NSL1: variants seen among roughly 807,000 people sequenced by gnomAD.
NSL1 encodes the protein NSL1 component of MIS12 kinetochore complex.
NSL1 carries 11 observed loss-of-function variants against 25.4 expected under a neutral mutation model. The ratio of observed to expected loss-of-function variants is 0.43; its 90% confidence interval spans 0.27 to 0.72. The LOEUF is 0.72. NSL1 is among the 30% of genes least tolerant of loss of function. The probability of loss-of-function intolerance (pLI) is 0.19; values close to 1 mark genes in which losing one functional copy is unlikely to be tolerated. For synonymous variants in NSL1, 118 were observed against 120.6 expected, an observed-to-expected ratio of 0.98 and a Z score of 0.14; for missense variants, 330 against 342.7, an observed-to-expected ratio of 0.96 and a Z score of 0.29.
intron 4 of NSL1, among the ~76,000 whole-genome samples, chr1:212,741,628 A>C (rs1458046549): frequency 6.6e-6 from 1 of 152,176 alleles, no homozygotes; most frequent in Non-Finnish European, 1.5e-5. Flanking sequence ...CCTCCCAAGA[A>C]GCTGAGCAGA....
At chr1:212,745,314 C>T (rs887066567) in intron 4 of NSL1, among the ~76,000 whole-genome samples, 4 of 151,576 alleles carry the variant, frequency 2.6e-5, no homozygotes, top group African/African-American at 9.7e-5. Flanking sequence ...ATAATACATG[C>T]ATTTACACAT....
In NSL1 at chr1:212,736,791, G is replaced by A. The variant is rs1313943293; in HGVS notation, c.*1617C>T. 14 of 984,938 alleles carry A rather than the reference G, an allele frequency of 1.4e-5. No homozygotes were observed. Among genetic ancestry groups the A allele is most frequent in the Non-Finnish European group, 1.7e-5 (14 of 829,608 alleles). The allele number at this position is 984,938 out of a possible 1,614,324, so 61.0% of individuals were successfully genotyped here. A position where few individuals can be genotyped will look rare whatever the true frequency, so the allele number is the denominator to read the frequency against. On this transcript the variant is annotated 3_prime_UTR_variant, in exon 6 of 6. Coordinates refer to ENST00000366977, the MANE Select transcript of NSL1 (RefSeq NM_015471.4). ...GGATTTTTGTCACATTTCCTTAATC[G>A]ATTCCTTGTTTCTCTGCTGAATACT...
At chr1:212,742,360 A>G (rs1658545380) in intron 4 of NSL1, among the ~76,000 whole-genome samples, 1 of 152,212 alleles carries the variant, frequency 6.6e-6, no homozygotes, top group African/African-American at 2.4e-5. Flanking sequence ...TACATAAGAA[A>G]TAATAGATTA....
chr1:212,734,622 T>C lies in NSL1; in HGVS notation c.*3786A>G, dbSNP rs1280988186. ...TCTGTGATTCCATACACAGGATGTATTCTCTTGTGCCTGGCTTTGCTTCTT... is the reference window on the plus strand; with the variant it reads ...TCTGTGATTCCATACACAGGATGTACTCTCTTGTGCCTGGCTTTGCTTCTT... On this transcript the variant is annotated 3_prime_UTR_variant, in exon 6 of 6. Transcript: ENST00000366977. 6.6e-6 allele frequency among the ~76,000 whole-genome samples: 1 copy of C among 152,354 alleles called. No homozygotes were observed. Among genetic ancestry groups the C allele is most frequent in the South Asian group, 2.1e-4 (1 of 4,828 alleles).
Position 212,751,437 on chromosome 1 carries a change from C to T in NSL1, c.500-11836G>A, listed in dbSNP as rs188327526. Among the ~76,000 whole-genome samples, 8 of 152,334 alleles carry T rather than the reference C, an allele frequency of 5.3e-5. No individual in the cohort carries two copies. The East Asian group carries it at 1.3e-3, about 26-fold the overall frequency. On this transcript the variant is annotated intron_variant, in intron 4 of 5. Transcript: ENST00000366977. ...TCCCTCCTAGAATCCAAAGCACACA[C>T]TCTTCTACATTCTATAACTTTCCAA...
At chr1:212,770,501 C>T (rs10127613) in intron 4 of NSL1, among the ~76,000 whole-genome samples, 3 of 151,702 alleles carry the variant, frequency 2.0e-5, no homozygotes, top group Non-Finnish European at 4.4e-5. Flanking sequence ...AACAAAAAAA[C>T]CAGAAAATCT....
At position 212,738,015 on chromosome 1, in the gene NSL1, GCTCT is replaced by G. The variant is rs888565369; in HGVS notation, c.*389_*392del. ...CATGTAAACGAAAAATCATTATACA[GCTCT>G]CTCTCTTTTTTTTTTTTTTCCTAGA... On this transcript the variant is annotated 3_prime_UTR_variant, in exon 6 of 6. Transcript: ENST00000366977. 21 of 968,542 alleles carry G rather than the reference GCTCT, an allele frequency of 2.2e-5. No homozygotes were observed. The highest frequency in any genetic ancestry group is 7.7e-5 in the African/African-American group (4 of 51,946). The allele number at this position is 968,542 out of a possible 1,614,324, so 60.0% of individuals were successfully genotyped here.
At chr1:212,766,418 G>A (rs764182553) in intron 4 of NSL1, 27 of 404,818 alleles carry the variant, frequency 6.7e-5, no homozygotes, top group Non-Finnish European at 9.6e-5. Context: ...TGATATGATC[G>A]TATACCTTAG....
rs192611240 is a variant in NSL1 at position 212,730,214 on chromosome 1, C to T, written c.*8194G>A. ...GCAGTGAGTTGAGATCGCTCCACTA[C>T]ACTCCAGCCTGGGTGACAGTCTCAA... On this transcript the variant is annotated 3_prime_UTR_variant, in exon 6 of 6. Coordinates refer to ENST00000366977, the MANE Select transcript of NSL1 (RefSeq NM_015471.4). 3 of 952,480 alleles carry T rather than the reference C, an allele frequency of 3.1e-6. No homozygotes were observed. Among genetic ancestry groups the T allele is most frequent in the African/African-American group, 4.0e-5 (2 of 50,072 alleles). 59.0% of individuals were successfully genotyped at this position (952,480 alleles called of 1,614,324 possible).
intron 4 of NSL1, among the ~76,000 whole-genome samples, chr1:212,774,422 AT>A (rs1276325405): frequency 6.6e-6 from 1 of 152,204 alleles, no homozygotes; most frequent in Non-Finnish European, 1.5e-5. Flanking sequence ...ATGAGAGAAA[AT>A]ATCTGCAAAT....
At chr1:212,767,176 ATC>A (rs981649010) in intron 4 of NSL1, among the ~76,000 whole-genome samples, 2 of 152,228 alleles carry the variant, frequency 1.3e-5, no homozygotes, top group African/African-American at 4.8e-5. Context: ...GCTTTACATT[ATC>A]TGACTTCAAA....
At chr1:212,739,660 G>T in intron 4 of NSL1, 59 bp from the exon 5 acceptor site, 2 of 1,525,946 alleles carry the variant, frequency 1.3e-6, no homozygotes, top group Non-Finnish European at 1.8e-6. Flanking sequence ...ATCATAAAAG[G>T]CATATAGATA....
chr1:212,777,510 C>T (rs1376804541), intron 4 of NSL1, among the ~76,000 whole-genome samples: 2 of 152,072 alleles, frequency 1.3e-5, no homozygotes, highest in Non-Finnish European at 2.9e-5. Context: ...GAGAGCTCTG[C>T]GTGTACACAA....
At chr1:212,758,585 A>G (rs1486855922) in intron 4 of NSL1, among the ~76,000 whole-genome samples, 1 of 152,250 alleles carries the variant, frequency 6.6e-6, no homozygotes, top group Non-Finnish European at 1.5e-5. Context: ...GTATTTAGGA[A>G]TAAGTTTCAC....
rs751768761 is a variant in NSL1, at chr1:212,787,544, GAA to G, written c.313+13_313+14del. On this transcript the variant is annotated intron_variant, in intron 2 of 5. Transcript: ENST00000366977. ...ATAACCCAGAAATTAATAATGGAAG[GAA>G]AAAGTCACATACCCATAAAACAATT... 9 of 1,565,266 alleles carry G rather than the reference GAA, an allele frequency of 5.7e-6. No individual in the cohort carries two copies. In the East Asian group the frequency reaches 1.6e-4, roughly 28 times the overall value.
chr1:212,742,350 T>C (rs1405518653), intron 4 of NSL1, among the ~76,000 whole-genome samples: 2 of 152,062 alleles, frequency 1.3e-5, no homozygotes, highest in Non-Finnish European at 2.9e-5. Flanking sequence ...AACTTAATGT[T>C]ACATAAGAAA....
Position 212,727,058 on chromosome 1 carries a change from C to G in NSL1, c.*11350G>C, listed in dbSNP as rs972178456. On this transcript the variant is annotated 3_prime_UTR_variant, in exon 6 of 6. Transcript: ENST00000366977. ...TGACTGCCGAGAGAGGGAGGGCGGG[C>G]TCTGGGTCACCCAGCTTCATCCTCT... 3.0e-5 allele frequency: 45 copies of G among 1,521,802 alleles called. No homozygotes were observed. The highest frequency in any genetic ancestry group is 3.9e-5 in the Non-Finnish European group (44 of 1,131,532). The allele number at this position is 1,521,802 out of a possible 1,614,324, so 94.3% of individuals were successfully genotyped here.
Position 212,737,268 on chromosome 1 carries a change from A to G in NSL1, c.*1140T>C, listed in dbSNP as rs577089769. On this transcript the variant is annotated 3_prime_UTR_variant, in exon 6 of 6. Coordinates refer to ENST00000366977, the MANE Select transcript of NSL1 (RefSeq NM_015471.4). ...CAAAATGCAACAAAGTGGCTTTATA[A>G]GTTTTCTTCACTGAGACAGACCTTC... 1.0e-6 allele frequency: 1 copy of G among 985,230 alleles called. No homozygotes were observed. Among genetic ancestry groups the G allele is most frequent in the African/African-American group, 1.7e-5 (1 of 57,246 alleles). 61.0% of individuals were successfully genotyped at this position (985,230 alleles called of 1,614,324 possible).
At position 212,731,785 on chromosome 1, in the gene NSL1, C is replaced by CA. The variant is rs1658025233; in HGVS notation, c.*6622dup. Reference sequence around the variant, plus strand: ...TGCCATGTCAAAGCTGGTGTTCAGACAGTCACACTGTTACAAACATATGGA... The same window carrying CA: ...TGCCATGTCAAAGCTGGTGTTCAGACAAGTCACACTGTTACAAACATATGGA... On this transcript the variant is annotated 3_prime_UTR_variant, in exon 6 of 6. Coordinates refer to ENST00000366977, the MANE Select transcript of NSL1 (RefSeq NM_015471.4). 1.0e-6 allele frequency: 1 copy of CA among 985,322 alleles called. No homozygotes were observed. Among genetic ancestry groups the CA allele is most frequent in the African/African-American group, 1.7e-5 (1 of 57,238 alleles). 61.0% of individuals were successfully genotyped at this position (985,322 alleles called of 1,614,324 possible).
Sources: gnomAD v4.1 joint callset for allele counts (sites outside exome capture counted in the v4.1 genomes callset) on GRCh38, gnomAD v4.1.1 for gene constraint, MANE v1.5 for transcripts, NCBI Gene and HGNC (gene_info 2026-07-23, HGNC 2026-07-21) for gene names.